GIGYF2: variants seen among roughly 807,000 people sequenced by gnomAD.
The protein encoded by GIGYF2 is GRB10-interacting GYF protein 2.
A neutral mutation model predicts 208.1 loss-of-function variants in GIGYF2; 25 were observed. The observed-to-expected ratio is 0.12, with a 90% CI of 0.09 to 0.17. GIGYF2 has a LOEUF of 0.17. Ranked by LOEUF, GIGYF2 falls within the 10% of genes least tolerant of loss-of-function variation. The pLI, the probability that GIGYF2 is intolerant of heterozygous loss-of-function variation, is 1.00. For synonymous variants in GIGYF2, 534 were observed against 543.8 expected, an observed-to-expected ratio of 0.98 and a Z score of 0.25; for missense variants, 1,302 against 1,579.4, an observed-to-expected ratio of 0.82 and a Z score of 2.98.
intron 8 of GIGYF2, chr2:232,771,238 C>T: frequency 6.2e-7 from 1 of 1,610,022 alleles, no homozygotes; most frequent in Non-Finnish European, 8.5e-7. Flanking sequence ...CCAAGCATCT[C>T]GAAGATATGC....
At position 232,704,841 on chromosome 2, in the gene GIGYF2, A is replaced by C. The variant is rs1261560182; in HGVS notation, c.-44+1352A>C. Among the ~76,000 whole-genome samples, 9 of 145,962 alleles carry C rather than the reference A, an allele frequency of 6.2e-5. No individual in the cohort carries two copies. In the Admixed American group the frequency reaches 6.2e-4, roughly 10 times the overall value. Reference sequence around the variant, plus strand: ...TTATTTCCATTGATTGTTTTTTATAAATTTTAACTTCTGGATTTTTTTTTT... The same window carrying C: ...TTATTTCCATTGATTGTTTTTTATACATTTTAACTTCTGGATTTTTTTTTT... On this transcript the variant is annotated intron_variant, in intron 2 of 28. Transcript: ENST00000373563.
intron 22 of GIGYF2, among the ~76,000 whole-genome samples, chr2:232,838,325 T>G (rs1216786965): frequency 1.3e-5 from 2 of 152,022 alleles, no homozygotes; most frequent in Non-Finnish European, 2.9e-5. Flanking sequence ...TGTGTGTATA[T>G]AGAGAGAAAT....
At chr2:232,844,720 T>C in intron 25 of GIGYF2, 146 bp downstream of exon 25, 4 of 680,222 alleles carry the variant, frequency 5.9e-6, no homozygotes, top group Non-Finnish European at 1.1e-5. Context: ...GCAGTCATAA[T>C]TATGGTGATT....
intron 21 of GIGYF2, 85 bp downstream of exon 21, chr2:232,820,070 A>C (rs751656613): frequency 6.6e-7 from 1 of 1,511,248 alleles, no homozygotes; most frequent in Non-Finnish European, 9.1e-7. Context: ...AAGGTAGCCT[A>C]TCTAAAATTT....
intron 23 of GIGYF2, among the ~76,000 whole-genome samples, chr2:232,842,213 C>T (rs1369116246): frequency 6.6e-6 from 1 of 152,036 alleles, no homozygotes; most frequent in Non-Finnish European, 1.5e-5. Flanking sequence ...CTGTTAGAGA[C>T]AGGGTCTTGC....
At chr2:232,831,073 A>T (rs1701413172) in intron 21 of GIGYF2, among the ~76,000 whole-genome samples, 1 of 152,200 alleles carries the variant, frequency 6.6e-6, no homozygotes, top group South Asian at 2.1e-4. Flanking sequence ...TGGCATTTTC[A>T]TCACATCAAA....
intron 3 of GIGYF2, among the ~76,000 whole-genome samples, chr2:232,740,619 T>C (rs184019653): frequency 1.3e-4 from 20 of 152,322 alleles, no homozygotes; most frequent in African/African-American, 4.6e-4. Context: ...ATTTCTCTCT[T>C]TTGGTAAGCC....
At chr2:232,768,144 T>A in intron 8 of GIGYF2, 1 of 1,591,290 alleles carries the variant, frequency 6.3e-7, no homozygotes, top group Non-Finnish European at 8.6e-7. Flanking sequence ...AAAAAGTAGC[T>A]GCATAACTGG....
At chr2:232,850,203 C>T (rs777047657) in intron 27 of GIGYF2, 59 bp from the exon 28 acceptor site, 7 of 1,464,698 alleles carry the variant, frequency 4.8e-6, no homozygotes, top group Non-Finnish European at 6.7e-6. Flanking sequence ...AAACATTTTC[C>T]TAGGGTGAGC....
chr2:232,808,917 A>G (rs1446343862), intron 15 of GIGYF2, among the ~76,000 whole-genome samples: 1 of 152,170 alleles, frequency 6.6e-6, no homozygotes, highest in Non-Finnish European at 1.5e-5. Flanking sequence ...ATCAAAGTTT[A>G]TATACATACA....
intron 8 of GIGYF2, among the ~76,000 whole-genome samples, chr2:232,785,392 C>A (rs1396910253): frequency 6.6e-6 from 1 of 152,158 alleles, no homozygotes; most frequent in Non-Finnish European, 1.5e-5. Context: ...CAAAGCTCAA[C>A]TGGGGTTTGA....
In GIGYF2 at chr2:232,709,164, A is replaced by G. The variant is rs538096453; in HGVS notation, c.-44+5675A>G. On this transcript the variant is annotated intron_variant, in intron 2 of 28. Coordinates refer to ENST00000373563, the MANE Select transcript of GIGYF2 (RefSeq NM_001103146.3). ...TTACTTGTTACATGTAACTTTAGAC[A>G]GGTTAGCCTTTTGGAGCCTAACTAT... is the stretch of plus-strand genomic sequence containing the variant. Among the ~76,000 whole-genome samples the G allele has an allele frequency of 6.0e-4, 91 of 152,308 alleles. 1 individual carries two copies. The highest frequency in any genetic ancestry group is 6.8e-3 in the Middle Eastern group (2 of 294).
Position 232,844,590 on chromosome 2 carries a change from A to G in GIGYF2, c.3305+16A>G. The G allele has an allele frequency of 6.4e-7, 1 of 1,566,542 alleles. No homozygotes were observed. ...CCAGTCTCAGGTAGGGCTCAAAATG[A>G]CCACACCTATGCACCTTGGTTGGTT... On this transcript the variant is annotated intron_variant, in intron 25 of 28. Coordinates refer to ENST00000373563, the MANE Select transcript of GIGYF2 (RefSeq NM_001103146.3).
intron 17 of GIGYF2, 32 bp from the exon 18 acceptor site, chr2:232,812,359 G>T: frequency 1.5e-5 from 13 of 853,388 alleles, no homozygotes; most frequent in Non-Finnish European, 2.4e-5. Context: ...CAAATGACAA[G>T]AACAAGTTAA....
intron 28 of GIGYF2, among the ~76,000 whole-genome samples, chr2:232,853,708 T>C (rs1559171662): frequency 6.6e-6 from 1 of 152,336 alleles, no homozygotes; most frequent in East Asian, 1.9e-4. Context: ...AAAGAACTCA[T>C]GTGAGTGAGA....
chr2:232,841,073 A>G (rs560042566), intron 23 of GIGYF2, among the ~76,000 whole-genome samples: 61 of 133,528 alleles, frequency 4.6e-4, no homozygotes, highest in African/African-American at 1.8e-3. Flanking sequence ...TTTATTTAAG[A>G]AAAAAAAAAA....
At chr2:232,746,504 TGTTA>T (rs1698156425) in intron 3 of GIGYF2, among the ~76,000 whole-genome samples, 1 of 152,194 alleles carries the variant, frequency 6.6e-6, no homozygotes, top group Non-Finnish European at 1.5e-5. Context: ...CTACTCCTGA[TGTTA>T]GTTTTTCCAC....
intron 14 of GIGYF2, among the ~76,000 whole-genome samples, chr2:232,797,806 C>T (rs1700270189): frequency 6.6e-6 from 1 of 151,890 alleles, no homozygotes; most frequent in Non-Finnish European, 1.5e-5. Flanking sequence ...CATGGTGAAA[C>T]CCCATCTCTA....
intron 2 of GIGYF2, among the ~76,000 whole-genome samples, chr2:232,725,443 T>C (rs1347173716): frequency 2.0e-5 from 3 of 152,136 alleles, no homozygotes; most frequent in Non-Finnish European, 4.4e-5. Context: ...GTTTTTGGAG[T>C]CCTTATAATA....
Sources: allele counts gnomAD v4.1 joint callset (sites outside exome capture counted in the v4.1 genomes callset), GRCh38; gene constraint gnomAD v4.1.1; transcripts MANE v1.5; gene names NCBI Gene and HGNC (gene_info 2026-07-23, HGNC 2026-07-21).